The following CACHD1 variants were observed in gnomAD, a reference collection of about 807,000 sequenced individuals.
The protein encoded by CACHD1 is cache domain containing 1, also known as VWFA and cache domain-containing protein 1.
CACHD1 carries 71 observed loss-of-function variants against 138.7 expected under a neutral mutation model. That is an observed-to-expected ratio of 0.51 (90% CI 0.42 to 0.62). CACHD1 has a LOEUF of 0.62. CACHD1 is among the 20% of genes least tolerant of loss of function. CACHD1 has a pLI of 0.00. For missense variants in CACHD1, 1,389 were observed against 1,625.3 expected (o/e 0.85, Z 2.50); for synonymous variants, 578 against 591.5 (o/e 0.98, Z 0.33).
At chr1:64,634,715 C>T (rs1023076570) in intron 7 of CACHD1, among the ~76,000 whole-genome samples, 5 of 151,960 alleles carry the variant, frequency 3.3e-5, no homozygotes, top group Admixed American at 1.3e-4. Context: ...TGATTGGGGG[C>T]GAGGTGCGGT....
chr1:64,579,283 T>C (rs184670721), intron 2 of CACHD1, among the ~76,000 whole-genome samples: 1 of 152,182 alleles, frequency 6.6e-6, no homozygotes, highest in Admixed American at 6.5e-5. Flanking sequence ...AAAGAGGCAG[T>C]GGACCAGATT....
chr1:64,545,674 C>A (rs777396481), intron 1 of CACHD1, among the ~76,000 whole-genome samples: 3 of 152,154 alleles, frequency 2.0e-5, no homozygotes, highest in Non-Finnish European at 2.9e-5. Context: ...TTGTTGTGTA[C>A]TGTACTTGTC....
rs1650564640 is a variant in CACHD1 at position 64,691,677 on chromosome 1, CAG to C, written c.*119_*120del. ...ACCTCCCTTGTGTTTGTGCTTTGTGCAGAGTTGTTTGAGTCATTTCCTGCCTG... is the reference window on the plus strand; with the variant it reads ...ACCTCCCTTGTGTTTGTGCTTTGTGCAGTTGTTTGAGTCATTTCCTGCCTG... On this transcript the variant is annotated 3_prime_UTR_variant, in exon 27 of 27. Transcript: ENST00000651257. 4 of 900,910 alleles carry C rather than the reference CAG, an allele frequency of 4.4e-6. No homozygotes were observed. The highest frequency in any genetic ancestry group is 1.7e-5 in the African/African-American group (1 of 60,012). The allele number at this position is 900,910 out of a possible 1,614,324, so 55.8% of individuals were successfully genotyped here. A position where few individuals can be genotyped will look rare whatever the true frequency, so the allele number is the denominator to read the frequency against.
chr1:64,471,323 C>T (rs1036012859), intron 1 of CACHD1, among the ~76,000 whole-genome samples: 2 of 152,340 alleles, frequency 1.3e-5, no homozygotes, highest in South Asian at 4.1e-4. Context: ...CCTGCAAACT[C>T]CCCCTTTGTG....
rs373606314 is a variant in CACHD1, at chr1:64,601,378, G to T, written c.411-1428G>T. Among the ~76,000 whole-genome samples the T allele has an allele frequency of 8.5e-5, 13 of 152,304 alleles. 1 individual carries two copies. Among genetic ancestry groups the T allele is most frequent in the Admixed American group, 4.6e-4 (7 of 15,298 alleles). On this transcript the variant is annotated intron_variant, in intron 3 of 26. Coordinates refer to ENST00000651257, the MANE Select transcript of CACHD1 (RefSeq NM_020925.4). The stretch of plus-strand genomic sequence containing the variant: ...TTAATCTCTTATTTTCCCTCCATCT[G>T]TGGCTTCTGAGGCAGCAGTCTTCTC...
intron 2 of CACHD1, among the ~76,000 whole-genome samples, chr1:64,575,767 CATAA>C (rs1226002851): frequency 6.6e-6 from 1 of 152,170 alleles, no homozygotes; most frequent in Non-Finnish European, 1.5e-5. Context: ...AGGAAGCAGA[CATAA>C]ATAAAGTACC....
chr1:64,692,984 G>C lies in CACHD1; in HGVS notation c.*1423G>C, dbSNP rs1468931201. On this transcript the variant is annotated 3_prime_UTR_variant, in exon 27 of 27. Transcript: ENST00000651257. ...GCAGTACAGAAAGTAAACTATATAT[G>C]TGCTATCAGGAAACCCCTTCATACT... The C allele has an allele frequency of 6.6e-6, 1 of 152,606 alleles. No homozygotes were observed. The highest frequency in any genetic ancestry group is 1.5e-5 in the Non-Finnish European group (1 of 68,042). 9.5% of individuals were successfully genotyped at this position (152,606 alleles called of 1,614,324 possible). A position where few individuals can be genotyped will look rare whatever the true frequency, so the allele number is the denominator to read the frequency against.
chr1:64,576,892 T>C (rs984599906), intron 2 of CACHD1, among the ~76,000 whole-genome samples: 4 of 147,148 alleles, frequency 2.7e-5, no homozygotes, highest in Non-Finnish European at 4.5e-5. Flanking sequence ...TAGGTTTTGG[T>C]GGGTTTGTTT....
In CACHD1 at chr1:64,566,489, C is replaced by CCCCT. The variant is rs1491117903; in HGVS notation, c.262-15666_262-15665insCCTC. Among the ~76,000 whole-genome samples the CCCCT allele has an allele frequency of 1.4e-4, 20 of 143,198 alleles. 1 individual carries two copies. The East Asian group carries it at 2.3e-3, about 16-fold the overall frequency. 93.9% of individuals were successfully genotyped at this position (143,198 alleles called of 152,430 possible). On this transcript the variant is annotated intron_variant, in intron 2 of 26. Transcript: ENST00000651257. ...CTGTATGTTTTCAATTCCCCCCCCC[C>CCCCT]CACAAGGTATGGGGGAAGTACTGCC...
intron 4 of CACHD1, among the ~76,000 whole-genome samples, chr1:64,628,414 A>G (rs1402816515): frequency 2.0e-5 from 3 of 152,190 alleles, no homozygotes; most frequent in Non-Finnish European, 4.4e-5. Flanking sequence ...AGCACATAGT[A>G]AGTGTGTAAT....
At chr1:64,600,814 A>G (rs1454244909) in intron 3 of CACHD1, among the ~76,000 whole-genome samples, 1 of 152,256 alleles carries the variant, frequency 6.6e-6, no homozygotes, top group Non-Finnish European at 1.5e-5. Context: ...GAAGAAGGGA[A>G]ACGTGAAGAG....
intron 8 of CACHD1, among the ~76,000 whole-genome samples, chr1:64,642,899 C>T (rs905709101): frequency 7.3e-5 from 11 of 150,806 alleles, no homozygotes; most frequent in South Asian, 2.1e-4. Flanking sequence ...ATTAGCTGGG[C>T]GTGGTGGTGT....
intron 1 of CACHD1, among the ~76,000 whole-genome samples, chr1:64,504,789 T>C (rs1267904078): frequency 6.6e-6 from 1 of 152,174 alleles, no homozygotes; most frequent in African/African-American, 2.4e-5. Context: ...CTATGAGGCC[T>C]GGGACCTCCC....
chr1:64,664,764 G>A, intron 15 of CACHD1, 85 bp downstream of exon 15: 1 of 1,238,508 alleles, frequency 8.1e-7, no homozygotes, highest in African/African-American at 1.5e-5. Flanking sequence ...AGCAACTTCA[G>A]GGCATTAAAC....
chr1:64,500,758 G>A (rs1293441012), intron 1 of CACHD1, among the ~76,000 whole-genome samples: 1 of 147,406 alleles, frequency 6.8e-6, no homozygotes, highest in Non-Finnish European at 1.5e-5. Flanking sequence ...GAGAGAGAGA[G>A]AGAGAGAGTC....
intron 1 of CACHD1, among the ~76,000 whole-genome samples, chr1:64,535,936 A>G (rs563608045): frequency 2.0e-5 from 3 of 152,218 alleles, no homozygotes; most frequent in South Asian, 4.2e-4. Flanking sequence ...CAGAAATCCA[A>G]TTTATGCAAC....
chr1:64,691,060 A>T (rs1406168270), intron 26 of CACHD1, among the ~76,000 whole-genome samples: 8 of 146,110 alleles, frequency 5.5e-5, no homozygotes, highest in African/African-American at 1.0e-4. Context: ...GTTCTTGTTT[A>T]TTTTTTTTTT....
At chr1:64,478,836 G>A (rs1397262808) in intron 1 of CACHD1, among the ~76,000 whole-genome samples, 2 of 152,134 alleles carry the variant, frequency 1.3e-5, no homozygotes, top group African/African-American at 4.8e-5. Context: ...AAGGGTGAAG[G>A]GGGGCAGGAC....
At chr1:64,638,548 C>G (rs1314035347) in intron 7 of CACHD1, among the ~76,000 whole-genome samples, 3 of 152,106 alleles carry the variant, frequency 2.0e-5, no homozygotes, top group Admixed American at 6.6e-5. Flanking sequence ...GTTGTTTCTT[C>G]TGAATTTGTT....
Sources: gnomAD v4.1 joint callset for allele counts (sites outside exome capture counted in the v4.1 genomes callset) on GRCh38, gnomAD v4.1.1 for gene constraint, MANE v1.5 for transcripts, NCBI Gene and HGNC (gene_info 2026-07-23, HGNC 2026-07-21) for gene names.